ERCC1: variants seen among roughly 807,000 people sequenced by gnomAD.
The protein encoded by ERCC1 is ERCC excision repair 1, endonuclease non-catalytic subunit.
In ERCC1, 36 loss-of-function variants were observed where a neutral mutation model predicts 37.6. That is an observed-to-expected ratio of 0.96 (90% CI 0.73 to 1.26). The LOEUF is 1.26. Ranked by LOEUF, ERCC1 falls within the 50% of genes most tolerant of loss-of-function variation. The pLI is 0.00. For synonymous variants in ERCC1, 156 were observed against 162.1 expected (o/e 0.96, Z 0.28); for missense variants, 349 against 376.5 (o/e 0.93, Z 0.60).
chr19:45,409,329 G>A lies in ERCC1; in HGVS notation c.*346C>T. 1 of 1,614,116 alleles carries A rather than the reference G, an allele frequency of 6.2e-7. No individual in the cohort carries two copies. Reference sequence around the variant, plus strand: ...CCAGGGGAGGGACAGCCTGAAGCCAGGGCAACTCCGGGATCCACCAAGAAG... The same window carrying A: ...CCAGGGGAGGGACAGCCTGAAGCCAAGGCAACTCCGGGATCCACCAAGAAG... On this transcript the variant is annotated 3_prime_UTR_variant, in exon 10 of 10. Coordinates refer to ENST00000300853, the MANE Select transcript of ERCC1 (RefSeq NM_001983.4).
chr19:45,438,933 G>A (rs531848897), intron 1 of ERCC1, among the ~76,000 whole-genome samples: 4 of 152,274 alleles, frequency 2.6e-5, no homozygotes, highest in African/African-American at 9.6e-5. Flanking sequence ...GAACCACCGC[G>A]CCCGGCCCGA....
chr19:45,409,576 G>C lies in ERCC1; in HGVS notation c.*99C>G. 6.3e-7 allele frequency: 1 copy of C among 1,575,064 alleles called. No homozygotes were observed. The highest frequency in any genetic ancestry group is 2.3e-5 in the East Asian group (1 of 43,200). On this transcript the variant is annotated 3_prime_UTR_variant, in exon 10 of 10. Transcript: ENST00000300853. ...GGGCCACCAGAAGGTGACACCCCCA[G>C]AATCCCTCCCCAGAGACTGCACCAG...
At chr19:45,447,655 CTG>C (rs1966990502) in intron 1 of ERCC1, among the ~76,000 whole-genome samples, 1 of 152,082 alleles carries the variant, frequency 6.6e-6, no homozygotes, top group Admixed American at 6.6e-5. Flanking sequence ...TGACCCAGCT[CTG>C]TCTCTCTCAC....
rs1974355218 is a variant in ERCC1, at chr19:45,420,554, C to T, written c.322-127G>A. 1.7e-5 allele frequency: 12 copies of T among 704,232 alleles called. No individual in the cohort carries two copies. Among genetic ancestry groups the T allele is most frequent in the East Asian group, 2.7e-5 (1 of 37,016 alleles). 43.6% of individuals were successfully genotyped at this position (704,232 alleles called of 1,614,324 possible). A position where few individuals can be genotyped will look rare whatever the true frequency, so the allele number is the denominator to read the frequency against. On this transcript the variant is annotated intron_variant, in intron 3 of 9. Transcript: ENST00000300853. This position sits in a 1 kb window ranked among gnomAD's most constrained non-coding sequence, Gnocchi z 4.8. ...TTCCCACACCTCCTGCCTCCTCGCA[C>T]CTCTTCCCACACCTCCTCCCTCCTC... is the stretch of plus-strand genomic sequence containing the variant.
intron 1 of ERCC1, among the ~76,000 whole-genome samples, chr19:45,445,128 T>TGCCTCA (rs1230011463): frequency 2.0e-5 from 3 of 152,202 alleles, no homozygotes; most frequent in Non-Finnish European, 4.4e-5. Context: ...GCAATTCTCC[T>TGCCTCA]GCCTCAGCCT....
At chr19:45,449,672 A>C (rs1035403395) in intron 1 of ERCC1, among the ~76,000 whole-genome samples, 9 of 151,882 alleles carry the variant, frequency 5.9e-5, no homozygotes, top group African/African-American at 1.9e-4. Flanking sequence ...CTCAAAAAAA[A>C]CCAACAAAAT....
At position 45,409,503 on chromosome 19, in the gene ERCC1, C is replaced by G. The variant is rs766585705; in HGVS notation, c.*172G>C. The G allele has an allele frequency of 9.4e-6, 15 of 1,602,498 alleles. No homozygotes were observed. The African/African-American group carries it at 1.2e-4, about 13-fold the overall frequency. ...CAGCAGCAGCAGCAGCCTGTGTAGT[C>G]TGCCCCCGGGAAACTGAGGAACTAA... On this transcript the variant is annotated 3_prime_UTR_variant, in exon 10 of 10. Transcript: ENST00000300853.
rs376893204 is a variant in ERCC1, at chr19:45,416,637, CA to C, written c.602+183del. 0.3 allele frequency: 143,069 copies of C among 474,988 alleles called. 4,602 individuals carry two copies. Among genetic ancestry groups the C allele is most frequent in the African/African-American group, 0.42 (18,410 of 44,012 alleles). The allele number at this position is 474,988 out of a possible 1,614,324, so 29.4% of individuals were successfully genotyped here. On this transcript the variant is annotated intron_variant, in intron 6 of 9. Coordinates refer to ENST00000300853, the MANE Select transcript of ERCC1 (RefSeq NM_001983.4). ...TAGGGGACAGAGTGAGGCTCTGTAT[CA>C]AAAAAAAAAAAAAAAAAATTAAGAC...
rs1387192837 is a variant in ERCC1 at position 45,408,564 on chromosome 19, T to C, written c.*1111A>G. ...GTGAATGGGCACGGGGCCCTGGAGG[T>C]GGACATGGCTTTGGGGTCGCCAGAA... On this transcript the variant is annotated 3_prime_UTR_variant, in exon 10 of 10. Coordinates refer to ENST00000300853, the MANE Select transcript of ERCC1 (RefSeq NM_001983.4). The C allele has an allele frequency of 6.2e-7, 1 of 1,609,796 alleles. No individual in the cohort carries two copies. The highest frequency in any genetic ancestry group is 1.4e-5 in the African/African-American group (1 of 73,406).
chr19:45,410,574 T>TGTGTGTGTGTGTGC (rs1973667408), intron 9 of ERCC1: 1 of 148,658 alleles, frequency 6.7e-6, no homozygotes, highest in Admixed American at 6.7e-5. Context: ...TTTGTGTGTG[T>TGTGTGTGTGTGTGC]GTGTGTGTGT....
At position 45,435,237 on chromosome 19, in the gene ERCC1, A is replaced by G. The variant is rs111642600; in HGVS notation, c.-7-11856T>C. On this transcript the variant is annotated intron_variant, in intron 1 of 8. Coordinates refer to the ERCC1 transcript ENST00000423698. The stretch of plus-strand genomic sequence containing the variant: ...AGGCCCATTTTACAGCATTTCAAAC[A>G]CTTCCAGGACTATGCCGCACAGTAA... Among the ~76,000 whole-genome samples, 955 of 152,020 alleles carry G rather than the reference A, an allele frequency of 6.3e-3. 15 individuals carry two copies. Among genetic ancestry groups the G allele is most frequent in the African/African-American group, 0.021 (862 of 41,470 alleles).
At chr19:45,436,331 A>G (rs1049730626) in intron 1 of ERCC1, among the ~76,000 whole-genome samples, 3 of 152,168 alleles carry the variant, frequency 2.0e-5, no homozygotes, top group African/African-American at 7.2e-5. Flanking sequence ...AGTGACTTAA[A>G]ACAAGAGAAA....
intron 9 of ERCC1, among the ~76,000 whole-genome samples, chr19:45,412,821 C>A (rs1448943169): frequency 3.3e-5 from 5 of 151,614 alleles, no homozygotes; most frequent in Non-Finnish European, 7.4e-5. Flanking sequence ...CTCACTGCAA[C>A]CTCCACCTCC....
chr19:45,410,693 T>C (rs185456520), intron 9 of ERCC1: 3 of 152,092 alleles, frequency 2.0e-5, no homozygotes, highest in African/African-American at 7.2e-5. Flanking sequence ...TGAGTTCAAT[T>C]GTTTTGATTT....
Position 45,423,284 on chromosome 19 carries a change from C to T in ERCC1, c.91G>A (p.Val31Ile), listed in dbSNP as rs1660359160. 1 of 1,613,612 alleles carries T rather than the reference C, an allele frequency of 6.2e-7. No individual in the cohort carries two copies. The highest frequency in any genetic ancestry group is 1.3e-5 in the African/African-American group (1 of 75,018). ...CCTTGTCCTACCACTCCAGGAGGGA[C>T]CTCATCCTCGTCGAGGGGTATCACA... ...KFVIPLDEDEVPPGVAKPLFR... is the reference protein window; with the variant it reads ...KFVIPLDEDEIPPGVAKPLFR... Residue 31 changes from valine to isoleucine, a missense_variant, in exon 2 of 10, where the codon GTC becomes ATC. Physicochemically the swap from Val to Ile is conservative, Grantham distance 29. Coordinates refer to ENST00000300853, the MANE Select transcript of ERCC1 (RefSeq NM_001983.4).
At chr19:45,428,640 G>A (rs1004500771), upstream of ERCC1, among the ~76,000 whole-genome samples, 15 of 152,340 alleles carry the variant, frequency 9.8e-5, no homozygotes, top group East Asian at 2.3e-3. Context: ...CGGAACGGGT[G>A]GGGTGGGGAC....
Position 45,415,337 on chromosome 19 carries a change from GA to G in ERCC1, c.603-378del, listed in dbSNP as rs34174936. ...GCAACAAGAGTGAAACTCCATTTCA[GA>G]AAAAAAAAAAAAAAAAGGCCGGGTG... On this transcript the variant is annotated intron_variant, in intron 6 of 9. Coordinates refer to ENST00000300853, the MANE Select transcript of ERCC1 (RefSeq NM_001983.4). Among the ~76,000 whole-genome samples the G allele has an allele frequency of 1.5e-3, 103 of 67,474 alleles. 1 individual carries two copies. The highest frequency in any genetic ancestry group is 0.01 in the South Asian group (21 of 2,044). The allele number at this position is 67,474 out of a possible 152,430, so 44.3% of individuals were successfully genotyped here. A position where few individuals can be genotyped will look rare whatever the true frequency, so the allele number is the denominator to read the frequency against.
Position 45,423,854 on chromosome 19 carries a change from G to T in ERCC1, c.-81C>A. 2 of 1,124,734 alleles carry T rather than the reference G, an allele frequency of 1.8e-6. No individual in the cohort carries two copies. Among genetic ancestry groups the T allele is most frequent in the Non-Finnish European group, 1.1e-6 (1 of 912,204 alleles). 69.7% of individuals were successfully genotyped at this position (1,124,734 alleles called of 1,614,324 possible). ...GTCTTGGAGCCTCAAGGGAAAGACTGCAGAGGGATCGAGGCGGCCCACTGC... is the reference window on the plus strand; with the variant it reads ...GTCTTGGAGCCTCAAGGGAAAGACTTCAGAGGGATCGAGGCGGCCCACTGC... On this transcript the variant is annotated 5_prime_UTR_variant, in exon 1 of 10. Transcript: ENST00000300853.
At chr19:45,422,395 G>A (rs978080615) in intron 2 of ERCC1, among the ~76,000 whole-genome samples, 13 of 151,994 alleles carry the variant, frequency 8.6e-5, no homozygotes, top group Admixed American at 3.3e-4. Context: ...CCCAGATGTC[G>A]CCATGGCTCA....
Sources: gnomAD v4.1 joint callset for allele counts (sites outside exome capture counted in the v4.1 genomes callset) on GRCh38, gnomAD v4.1.1 for gene constraint, Gnocchi (gnomAD v3.1) non-coding constraint, MANE v1.5 for transcripts, NCBI Gene and HGNC (gene_info 2026-07-23, HGNC 2026-07-21) for gene names.